SLC30A9: variants seen among roughly 807,000 people sequenced by gnomAD.
The protein encoded by SLC30A9 is proton-coupled zinc antiporter SLC30A9, mitochondrial.
A neutral mutation model predicts 87.5 loss-of-function variants in SLC30A9; 58 were observed. The ratio of observed to expected loss-of-function variants is 0.66; its 90% CI spans 0.54 to 0.82. The LOEUF is 0.82. SLC30A9 is among the 40% of genes least tolerant of loss of function. The pLI is 0.00. For missense variants in SLC30A9, 557 were observed against 679.1 expected (o/e 0.82, Z 2.00); for synonymous variants, 234 against 233.0 (o/e 1.00, Z -0.04).
intron 15 of SLC30A9, 71 bp downstream of exon 15, chr4:42,070,762 A>G: frequency 7.7e-7 from 1 of 1,299,220 alleles, no homozygotes; most frequent in Non-Finnish European, 1.0e-6. Context: ...CCTGGTTTGT[A>G]AATACTTCCA....
In SLC30A9 at chr4:42,023,211, G is replaced by T. The variant is rs1367853866; in HGVS notation, c.528-91G>T. 8 of 919,516 alleles carry T rather than the reference G, an allele frequency of 8.7e-6. No individual in the cohort carries two copies. The Admixed American group carries it at 1.4e-4, about 16-fold the overall frequency. The allele number at this position is 919,516 out of a possible 1,614,324, so 57.0% of individuals were successfully genotyped here. A position where few individuals can be genotyped will look rare whatever the true frequency, so the allele number is the denominator to read the frequency against. The stretch of plus-strand genomic sequence containing the variant: ...CTCCAAAAGCACCTTACACTTTGTT[G>T]TAAGATTCTCATTAGAGAATTTAGA... On this transcript the variant is annotated intron_variant, in intron 5 of 17. Transcript: ENST00000264451.
intron 9 of SLC30A9, among the ~76,000 whole-genome samples, chr4:42,055,744 C>G (rs1200949051): frequency 1.3e-5 from 2 of 152,122 alleles, no homozygotes; most frequent in African/African-American, 4.8e-5. Context: ...CTTTCTCTGT[C>G]TTCTTTAAAC....
chr4:42,033,736 T>C (rs966502715), intron 6 of SLC30A9, among the ~76,000 whole-genome samples: 6 of 152,114 alleles, frequency 3.9e-5, no homozygotes, highest in South Asian at 2.1e-4. Context: ...CCACCATGCC[T>C]GGCTAATTTT....
chr4:42,023,289 T>C lies in SLC30A9; in HGVS notation c.528-13T>C. 1 of 1,584,916 alleles carries C rather than the reference T, an allele frequency of 6.3e-7. No individual in the cohort carries two copies. Among genetic ancestry groups the C allele is most frequent in the African/African-American group, 1.3e-5 (1 of 74,456 alleles). On this transcript the variant is annotated splice_polypyrimidine_tract_variant and intron_variant, in intron 5 of 17. Coordinates refer to ENST00000264451, the MANE Select transcript of SLC30A9 (RefSeq NM_006345.4). ...AAAATTGTTCATTGTGGTGACCATG[T>C]GTGTATGCACAGATCTTTGGAAGTT... is the stretch of plus-strand genomic sequence containing the variant.
chr4:41,991,410 G>A (rs1043801209), intron 1 of SLC30A9, among the ~76,000 whole-genome samples: 9 of 152,170 alleles, frequency 5.9e-5, no homozygotes, highest in African/African-American at 1.9e-4. Context: ...GAGAATTTTC[G>A]TCTCTCTCAA....
At chr4:42,062,585 G>A (rs982788970) in intron 10 of SLC30A9, among the ~76,000 whole-genome samples, 1 of 152,226 alleles carries the variant, frequency 6.6e-6, no homozygotes, top group Non-Finnish European at 1.5e-5. Flanking sequence ...TAATAGACTG[G>A]CTGCACACAA....
At chr4:41,998,429 C>G (rs1714819829) in intron 1 of SLC30A9, among the ~76,000 whole-genome samples, 1 of 151,114 alleles carries the variant, frequency 6.6e-6, no homozygotes, top group African/African-American at 2.4e-5. Context: ...TTCACTATCT[C>G]TTTGCTTACT....
chr4:42,052,490 G>A (rs1560552328), intron 9 of SLC30A9, among the ~76,000 whole-genome samples: 3 of 152,302 alleles, frequency 2.0e-5, no homozygotes, highest in Middle Eastern at 3.4e-3. Context: ...AGAACTTCAA[G>A]ACATTATAAA....
At chr4:42,055,122 A>G (rs4861014) in intron 9 of SLC30A9, among the ~76,000 whole-genome samples, 90,617 of 151,810 alleles carry the variant, frequency 0.6, 32,736 homozygotes, top group East Asian at 0.96. Context: ...TCAGGAGTTC[A>G]AGACCAGCCT....
intron 6 of SLC30A9, 24 bp from the exon 7 acceptor site, chr4:42,035,251 A>G (rs1716629918): frequency 2.5e-6 from 4 of 1,580,542 alleles, no homozygotes; most frequent in Admixed American, 3.4e-5. Flanking sequence ...TCTATGACCT[A>G]AATTTATTTT....
rs972481521 is a variant in SLC30A9 at position 42,066,552 on chromosome 4, A to C, written c.1075A>C (p.Thr359Pro). Reference sequence around the variant, plus strand: ...TGATATGAATGCTTTTCTTTTAGCAACACTTCTTGTTGCTGTAAATGAACT... The same window carrying C: ...TGATATGAATGCTTTTCTTTTAGCACCACTTCTTGTTGCTGTAAATGAACT... Reference protein sequence around the residue: ...LAGSLVSEGATLLVAVNELRR... With the variant: ...LAGSLVSEGAPLLVAVNELRR... Residue 359 changes from threonine to proline, a missense_variant and splice_region_variant, in exon 13 of 18, where the codon ACA becomes CCA. This residue lies in a region of SLC30A9 where 467 missense variants were observed against 529.8 expected (regional missense o/e 0.88). Transcript: ENST00000264451. The C allele has an allele frequency of 1.3e-6, 2 of 1,598,830 alleles. No homozygotes were observed. The highest frequency in any genetic ancestry group is 1.7e-6 in the Non-Finnish European group (2 of 1,170,598).
chr4:42,041,188 C>CA (rs911476111), intron 8 of SLC30A9, among the ~76,000 whole-genome samples: 4 of 152,100 alleles, frequency 2.6e-5, no homozygotes, highest in African/African-American at 9.7e-5. Context: ...GCGTCCCTCC[C>CA]AAAACATGTG....
chr4:42,001,677 T>C lies in SLC30A9; in HGVS notation c.171T>C (p.Tyr57=). ...ACATGGTTCCCTGTAGTCATCCATA[T>C]ATTGGTACCCTGAGTCAAGTAAAGT... The part of the protein sequence containing the change: ...FSNMVPCSHP[Y]IGTLSQVKLY... The change falls in exon 2 of 18, where the codon TAT becomes TAC. Residue 57 remains tyrosine, a synonymous_variant. Transcript: ENST00000264451. 3.1e-6 allele frequency: 5 copies of C among 1,608,494 alleles called. No homozygotes were observed. The highest frequency in any genetic ancestry group is 1.3e-5 in the African/African-American group (1 of 74,924).
chr4:42,075,981 T>C (rs983485930), intron 16 of SLC30A9, among the ~76,000 whole-genome samples, 195 bp downstream of exon 16: 1 of 152,190 alleles, frequency 6.6e-6, no homozygotes, highest in African/African-American at 2.4e-5. Context: ...ACTTACTATT[T>C]CATGCTTGCT....
intron 6 of SLC30A9, 102 bp from the exon 7 acceptor site, chr4:42,035,173 A>T (rs1048613429): frequency 8.6e-7 from 1 of 1,156,194 alleles, no homozygotes; most frequent in Admixed American, 2.4e-5. Flanking sequence ...GCTGTTAGCT[A>T]GTAGCGCATA....
intron 6 of SLC30A9, chr4:42,030,065 A>G (rs949806847): frequency 2.4e-6 from 2 of 836,638 alleles, no homozygotes; most frequent in Non-Finnish European, 3.6e-6. Flanking sequence ...AACATTGGGC[A>G]CAGTGAGAAA....
chr4:42,009,761 T>TA (rs1415584332), intron 2 of SLC30A9, among the ~76,000 whole-genome samples: 2 of 152,264 alleles, frequency 1.3e-5, no homozygotes, highest in African/African-American at 4.8e-5. Context: ...ATATACAGCT[T>TA]AAAGCAACTC....
chr4:42,044,797 T>C (rs1485600940), intron 8 of SLC30A9, among the ~76,000 whole-genome samples: 2 of 152,224 alleles, frequency 1.3e-5, no homozygotes, highest in African/African-American at 4.8e-5. Context: ...TATTCTAATA[T>C]TGACCACATA....
intron 2 of SLC30A9, among the ~76,000 whole-genome samples, chr4:42,016,156 T>C (rs1715711564): frequency 1.3e-5 from 2 of 152,128 alleles, no homozygotes; most frequent in African/African-American, 4.8e-5. Flanking sequence ...GACAATTAAA[T>C]GAAATAATTT....
Sources: allele counts gnomAD v4.1 joint callset (sites outside exome capture counted in the v4.1 genomes callset), GRCh38; gene constraint gnomAD v4.1.1; regional missense constraint gnomAD v4.1.1; transcripts MANE v1.5; gene names NCBI Gene and HGNC (gene_info 2026-07-23, HGNC 2026-07-21).